The following TMEM26 variants were observed in gnomAD, a reference collection of about 807,000 sequenced individuals.
TMEM26 encodes transmembrane protein 26.
In TMEM26, 38 loss-of-function variants were observed where a neutral mutation model predicts 28.8. The observed-to-expected ratio is 1.32, with a 90% CI of 1.02 to 1.73. The LOEUF (loss-of-function observed/expected upper bound fraction) is 1.73. TMEM26 is among the 40% of genes most tolerant of loss of function. The pLI, the probability that TMEM26 is intolerant of heterozygous loss-of-function variation, is 0.00. For synonymous variants in TMEM26, 227 were observed against 182.9 expected, an observed-to-expected ratio of 1.24 and a Z score of -1.95; for missense variants, 518 against 447.1, an observed-to-expected ratio of 1.16 and a Z score of -1.43.
intron 4 of TMEM26, among the ~76,000 whole-genome samples, chr10:61,424,661 C>T (rs1489060801): frequency 2.0e-5 from 3 of 152,018 alleles, no homozygotes; most frequent in Non-Finnish European, 4.4e-5. Flanking sequence ...TTACAATATC[C>T]AATTTCAAAA....
At chr10:61,430,061 G>A (rs4948454) in intron 3 of TMEM26, among the ~76,000 whole-genome samples, 22,324 of 151,956 alleles carry the variant, frequency 0.15, 1,775 homozygotes, top group East Asian at 0.22. Context: ...TATTCCATCT[G>A]TACGCTTTCT....
Position 61,407,805 on chromosome 10 carries a change from G to A in TMEM26, c.*2517C>T, listed in dbSNP as rs1158684614. The A allele has an allele frequency of 6.6e-6, 1 of 152,114 alleles. No individual in the cohort carries two copies. The highest frequency in any genetic ancestry group is 2.4e-5 in the African/African-American group (1 of 41,434). The allele number at this position is 152,114 out of a possible 1,614,324, so 9.4% of individuals were successfully genotyped here. On this transcript the variant is annotated 3_prime_UTR_variant, in exon 6 of 6. Coordinates refer to ENST00000399298, the MANE Select transcript of TMEM26 (RefSeq NM_178505.8). ...TGGGGGGAGGGGTTATGATAGAGAG[G>A]ATGACTTGCATCACATTATACAGGT...
intron 4 of TMEM26, among the ~76,000 whole-genome samples, chr10:61,419,348 A>G (rs1301459882): frequency 6.6e-6 from 1 of 152,140 alleles, no homozygotes; most frequent in Non-Finnish European, 1.5e-5. Context: ...CAGATATTGG[A>G]TTTAGCAGAA....
chr10:61,418,482 C>T (rs374522219), intron 4 of TMEM26, among the ~76,000 whole-genome samples: 6 of 151,934 alleles, frequency 3.9e-5, no homozygotes, highest in African/African-American at 1.2e-4. Context: ...AGTTTCTTAA[C>T]GTAAATGCTG....
chr10:61,451,041 A>T (rs937557489), intron 1 of TMEM26, among the ~76,000 whole-genome samples: 1 of 152,224 alleles, frequency 6.6e-6, no homozygotes, highest in Non-Finnish European at 1.5e-5. Context: ...TAGCCTGCTC[A>T]AGGTCTGACA....
chr10:61,433,835 T>C (rs1839960501), intron 2 of TMEM26, among the ~76,000 whole-genome samples: 1 of 152,178 alleles, frequency 6.6e-6, no homozygotes, highest in African/African-American at 2.4e-5. Flanking sequence ...GCAATATGGT[T>C]TAATGGACTA....
chr10:61,443,656 A>C (rs1840132434), intron 1 of TMEM26, among the ~76,000 whole-genome samples: 1 of 152,190 alleles, frequency 6.6e-6, no homozygotes, highest in Non-Finnish European at 1.5e-5. Context: ...TGTAAAGAGA[A>C]GATACTACTG....
At chr10:61,415,600 A>C (rs1206541613) in intron 4 of TMEM26, among the ~76,000 whole-genome samples, 1 of 152,076 alleles carries the variant, frequency 6.6e-6, no homozygotes, top group Non-Finnish European at 1.5e-5. Flanking sequence ...AAATTTGTCC[A>C]AAATAATGTA....
At chr10:61,412,625 G>T (rs1839585578) in intron 5 of TMEM26, among the ~76,000 whole-genome samples, 1 of 152,082 alleles carries the variant, frequency 6.6e-6, no homozygotes, top group Non-Finnish European at 1.5e-5. Context: ...GTTTTCAGAT[G>T]ACTCCAGATG....
intron 1 of TMEM26, among the ~76,000 whole-genome samples, chr10:61,449,644 G>C (rs138036673): frequency 1.3e-3 from 192 of 152,252 alleles, no homozygotes; most frequent in Middle Eastern, 6.8e-3. Context: ...TCCAAAGGAA[G>C]TTCATGGATC....
At chr10:61,431,423 G>C in intron 2 of TMEM26, 91 bp from the exon 3 acceptor site, 1 of 903,134 alleles carries the variant, frequency 1.1e-6, no homozygotes, top group Admixed American at 1.9e-5. Flanking sequence ...AAGAGATTAT[G>C]AGCAGATATG....
chr10:61,426,618 C>T (rs1301189321), intron 4 of TMEM26, among the ~76,000 whole-genome samples: 1 of 152,032 alleles, frequency 6.6e-6, no homozygotes, highest in Admixed American at 6.6e-5. Context: ...TCATTGTAGG[C>T]TTTCTCCTAA....
Position 61,453,142 on chromosome 10 carries a change from G to T in TMEM26, c.-61C>A. On this transcript the variant is annotated 5_prime_UTR_variant, in exon 1 of 6. Transcript: ENST00000399298. ...GCGCCCCCAGGACCCTGCCGGGCGT[G>T]CCCGGAGCCCACCGGTGAGCAGGAA... 2 of 1,543,300 alleles carry T rather than the reference G, an allele frequency of 1.3e-6. No individual in the cohort carries two copies. Among genetic ancestry groups the T allele is most frequent in the East Asian group, 2.3e-5 (1 of 44,180 alleles).
chr10:61,423,567 C>T (rs1031620899), intron 4 of TMEM26, among the ~76,000 whole-genome samples: 4 of 151,998 alleles, frequency 2.6e-5, no homozygotes, highest in Non-Finnish European at 4.4e-5. Flanking sequence ...TAAGGAGATC[C>T]TATCTCTACA....
At chr10:61,418,109 G>A (rs1281770098) in intron 4 of TMEM26, among the ~76,000 whole-genome samples, 3 of 151,776 alleles carry the variant, frequency 2.0e-5, no homozygotes, top group Admixed American at 1.3e-4. Context: ...TTAAATAGAT[G>A]AGGAAAAATT....
At chr10:61,420,268 C>A (rs1839721950) in intron 4 of TMEM26, among the ~76,000 whole-genome samples, 1 of 151,976 alleles carries the variant, frequency 6.6e-6, no homozygotes, top group Non-Finnish European at 1.5e-5. Context: ...AGGTCTGCAT[C>A]CTCATTATCT....
At chr10:61,444,935 C>T (rs7894601) in intron 1 of TMEM26, among the ~76,000 whole-genome samples, 14,838 of 152,082 alleles carry the variant, frequency 0.098, 1,537 homozygotes, top group African/African-American at 0.26. Flanking sequence ...GTGTGCAATG[C>T]CAATGCCTGG....
At chr10:61,439,611 C>A (rs1840060175) in intron 1 of TMEM26, among the ~76,000 whole-genome samples, 2 of 152,114 alleles carry the variant, frequency 1.3e-5, no homozygotes, top group South Asian at 4.1e-4. Flanking sequence ...TTAGAAGACC[C>A]AAATTTGAAT....
intron 1 of TMEM26, among the ~76,000 whole-genome samples, chr10:61,446,407 G>C (rs988553180): frequency 1.3e-5 from 2 of 152,048 alleles, no homozygotes; most frequent in African/African-American, 2.4e-5. Flanking sequence ...AGCAAACCTT[G>C]GTTTCAGATA....
Sources: gnomAD v4.1 joint callset for allele counts (sites outside exome capture counted in the v4.1 genomes callset) on GRCh38, gnomAD v4.1.1 for gene constraint, MANE v1.5 for transcripts, NCBI Gene and HGNC (gene_info 2026-07-23, HGNC 2026-07-21) for gene names.